Variants in SLC8A1 observed in about 807,000 individuals in gnomAD.
SLC8A1 encodes the protein solute carrier family 8 member A1.
In SLC8A1, 18 loss-of-function variants were observed where a neutral mutation model predicts 68.3. That is an observed-to-expected ratio of 0.26 (90% CI 0.18 to 0.39). The LOEUF (loss-of-function observed/expected upper bound fraction) is 0.39. Ranked by LOEUF, SLC8A1 falls within the 10% of genes least tolerant of loss-of-function variation. The pLI is 1.00. For missense variants in SLC8A1, 985 were observed against 1,156.7 expected (o/e 0.85, Z 2.15); for synonymous variants, 475 against 415.5 (o/e 1.14, Z -1.74).
chr2:40,508,227 T>C (rs1041228634), intron 1 of SLC8A1, among the ~76,000 whole-genome samples: 8 of 152,144 alleles, frequency 5.3e-5, no homozygotes, highest in Admixed American at 1.3e-4. Flanking sequence ...TTCTTTCTCA[T>C]TTGCCTAAAA....
chr2:40,391,454 G>A (rs1685236465), intron 2 of SLC8A1, among the ~76,000 whole-genome samples: 1 of 150,958 alleles, frequency 6.6e-6, no homozygotes, highest in Admixed American at 6.6e-5. Context: ...GTTCTGGCTG[G>A]TGGCAAACTA....
chr2:40,207,075 T>A (rs1157855856), intron 2 of SLC8A1, among the ~76,000 whole-genome samples: 1 of 152,054 alleles, frequency 6.6e-6, no homozygotes, highest in Non-Finnish European at 1.5e-5. Flanking sequence ...AAAACATCTC[T>A]GTAGGTTTAA....
chr2:40,512,104 A>T (rs548734207), intron 1 of SLC8A1, among the ~76,000 whole-genome samples: 198 of 152,330 alleles, frequency 1.3e-3, no homozygotes, highest in African/African-American at 4.6e-3. Flanking sequence ...GACCCAGGAC[A>T]GAGGGATTTT....
chr2:40,494,608 G>A (rs1433953858), intron 1 of SLC8A1, among the ~76,000 whole-genome samples: 5 of 134,984 alleles, frequency 3.7e-5, no homozygotes, highest in African/African-American at 8.6e-5. Context: ...AAACCTGCAC[G>A]TTGTGTACAT....
chr2:40,472,018 A>T (rs1704017455), intron 1 of SLC8A1, among the ~76,000 whole-genome samples: 1 of 152,160 alleles, frequency 6.6e-6, no homozygotes, highest in South Asian at 2.1e-4. Context: ...ACTGCGGTTG[A>T]CTATGAACAA....
intron 2 of SLC8A1, among the ~76,000 whole-genome samples, chr2:40,379,730 C>A (rs989655671): frequency 1.2e-4 from 18 of 151,830 alleles, no homozygotes; most frequent in Non-Finnish European, 4.4e-5. Context: ...AGCACTGGTG[C>A]TCTAAGAGGC....
chr2:40,179,872 A>G (rs1474650152), intron 2 of SLC8A1, among the ~76,000 whole-genome samples: 1 of 152,122 alleles, frequency 6.6e-6, no homozygotes, highest in Non-Finnish European at 1.5e-5. Context: ...CAAATGCTTA[A>G]GTCTTGCTTT....
intron 2 of SLC8A1, among the ~76,000 whole-genome samples, chr2:40,340,973 C>A (rs1667511697): frequency 6.6e-6 from 1 of 152,132 alleles, no homozygotes; most frequent in African/African-American, 2.4e-5. Flanking sequence ...TTTTATTGAT[C>A]ATTTCATATC....
At position 40,415,996 on chromosome 2, in the gene SLC8A1, A is replaced by G. The variant is rs570852872; in HGVS notation, c.1808+12477T>C. 2.1e-5 allele frequency among the ~76,000 whole-genome samples: 3 copies of G among 145,826 alleles called. No homozygotes were observed. The East Asian group carries it at 6.4e-4, about 31-fold the overall frequency. On this transcript the variant is annotated intron_variant, in intron 2 of 7. Transcript: ENST00000406785. The stretch of plus-strand genomic sequence containing the variant: ...AGAATTGCTTGAACCCGGGAGGCGG[A>G]GCTGAGATCACGCCACTGCACTTAA...
chr2:40,441,986 T>C (rs959803628), intron 1 of SLC8A1, among the ~76,000 whole-genome samples: 1 of 139,656 alleles, frequency 7.2e-6, no homozygotes, highest in African/African-American at 2.7e-5. Context: ...ATCCAGTCTA[T>C]CATTGTTGGA....
intron 1 of SLC8A1, among the ~76,000 whole-genome samples, chr2:40,510,934 C>G (rs1437902424): frequency 6.6e-6 from 1 of 152,082 alleles, no homozygotes; most frequent in Admixed American, 6.6e-5. Context: ...TGTAATGGGA[C>G]ATTCAGAGCT....
intron 2 of SLC8A1, among the ~76,000 whole-genome samples, chr2:40,263,648 T>G (rs1387377819): frequency 6.6e-6 from 1 of 152,144 alleles, no homozygotes; most frequent in Non-Finnish European, 1.5e-5. Flanking sequence ...TATGGAAAAC[T>G]GGCTAGCCAT....
intron 2 of SLC8A1, among the ~76,000 whole-genome samples, chr2:40,423,782 T>C (rs948504368): frequency 1.3e-5 from 2 of 152,050 alleles, no homozygotes; most frequent in Non-Finnish European, 2.9e-5. Context: ...TTCAGACTCA[T>C]AAATGTTTTT....
chr2:40,304,005 T>C (rs1039758857), intron 2 of SLC8A1, among the ~76,000 whole-genome samples: 3 of 152,192 alleles, frequency 2.0e-5, no homozygotes, highest in Non-Finnish European at 4.4e-5. Context: ...CAAGACGTCA[T>C]TTACCAAGAT....
At chr2:40,412,611 T>C (rs984785536) in intron 2 of SLC8A1, among the ~76,000 whole-genome samples, 3 of 152,184 alleles carry the variant, frequency 2.0e-5, no homozygotes, top group Non-Finnish European at 2.9e-5. Context: ...GAGGCACTAC[T>C]GACTGTATAG....
chr2:40,109,050 C>A (rs2034399810), exon 8 of SLC8A1: 1 of 152,196 alleles, frequency 6.6e-6, no homozygotes, highest in Non-Finnish European at 1.5e-5. Flanking sequence ...TCCCCCAGTG[C>A]ATTCTTGGAT....
chr2:40,289,621 C>T (rs985762431), intron 2 of SLC8A1, among the ~76,000 whole-genome samples: 3 of 151,710 alleles, frequency 2.0e-5, no homozygotes, highest in Non-Finnish European at 2.9e-5. Flanking sequence ...GAGGCTGAGG[C>T]GGGCAGATCA....
intron 2 of SLC8A1, among the ~76,000 whole-genome samples, chr2:40,205,538 A>G (rs2055250886): frequency 6.6e-6 from 1 of 152,036 alleles, no homozygotes; most frequent in African/African-American, 2.4e-5. Flanking sequence ...ATAGCGGACT[A>G]ACAAAGGAAC....
At chr2:40,504,379 C>T (rs1443396515) in intron 1 of SLC8A1, among the ~76,000 whole-genome samples, 1 of 152,030 alleles carries the variant, frequency 6.6e-6, no homozygotes, top group Non-Finnish European at 1.5e-5. Context: ...TGAAGAACAT[C>T]TCCAGCACAT....
Sources: gnomAD v4.1 joint callset for allele counts (sites outside exome capture counted in the v4.1 genomes callset) on GRCh38, gnomAD v4.1.1 for gene constraint, MANE v1.5 for transcripts, NCBI Gene and HGNC (gene_info 2026-07-23, HGNC 2026-07-21) for gene names.